Variants in RASSF6 observed in about 807,000 individuals in gnomAD.
RASSF6 encodes the protein Ras association domain family member 6.
In RASSF6, 52 loss-of-function variants were observed where a neutral mutation model predicts 44.0. The ratio of observed to expected loss-of-function variants is 1.18; its 90% CI spans 0.95 to 1.49. The LOEUF (loss-of-function observed/expected upper bound fraction) is 1.49. RASSF6 is among the 40% of genes most tolerant of loss of function. The pLI, the probability that RASSF6 is intolerant of heterozygous loss-of-function variation, is 0.00. For missense variants in RASSF6, 464 were observed against 393.3 expected, an observed-to-expected ratio of 1.18 and a Z score of -1.52; for synonymous variants, 162 against 124.6, an observed-to-expected ratio of 1.30 and a Z score of -2.00.
chr4:73,608,171 C>T (rs991570956), intron 2 of RASSF6, among the ~76,000 whole-genome samples: 4 of 151,022 alleles, frequency 2.6e-5, no homozygotes, highest in Non-Finnish European at 4.4e-5. Flanking sequence ...AAATTCCATA[C>T]ATGTGATATA....
At chr4:73,616,842 C>A (rs896493265) in intron 1 of RASSF6, among the ~76,000 whole-genome samples, 10 of 152,128 alleles carry the variant, frequency 6.6e-5, no homozygotes, top group Admixed American at 1.3e-4. Context: ...TATTCATCTC[C>A]AAAACGAAAC....
intron 5 of RASSF6, 58 bp downstream of exon 5, chr4:73,587,782 T>A: frequency 9.7e-7 from 1 of 1,034,974 alleles, no homozygotes; most frequent in Non-Finnish European, 1.5e-6. Flanking sequence ...ACATATGGAG[T>A]CATACTTTAC....
chr4:73,608,024 ATCCCC>A (rs1725765783), intron 2 of RASSF6, among the ~76,000 whole-genome samples: 2 of 35,370 alleles, frequency 5.7e-5, no homozygotes, highest in Admixed American at 3.1e-4. Context: ...CCTCTCCTCC[ATCCCC>A]TCCCCTCCCC....
intron 2 of RASSF6, among the ~76,000 whole-genome samples, chr4:73,603,534 C>G (rs1370650992): frequency 2.0e-5 from 3 of 151,996 alleles, no homozygotes; most frequent in Non-Finnish European, 4.4e-5. Flanking sequence ...CTTTAAGGCT[C>G]CAGCTTGGTT....
At position 73,585,878 on chromosome 4, in the gene RASSF6, A is replaced by C. The variant is rs1440335065; in HGVS notation, c.383-514T>G. Among the ~76,000 whole-genome samples the C allele has an allele frequency of 2.6e-5, 4 of 151,318 alleles. No homozygotes were observed. In the East Asian group the frequency reaches 5.8e-4, roughly 22 times the overall value. On this transcript the variant is annotated intron_variant, in intron 5 of 10. Transcript: ENST00000307439. ...CTTTAAGTTTTAGGGTAATGTGCAC[A>C]ATGTGCAGGTTAGTTACATATGTAT...
chr4:73,576,849 A>G, intron 8 of RASSF6, 118 bp from the exon 9 acceptor site: 1 of 660,152 alleles, frequency 1.5e-6, no homozygotes, highest in Admixed American at 2.6e-5. Flanking sequence ...AACACCTGCA[A>G]CAGGAGGCAA....
intron 4 of RASSF6, among the ~76,000 whole-genome samples, chr4:73,589,554 A>C (rs373733566): frequency 6.6e-6 from 1 of 152,134 alleles, no homozygotes; most frequent in Non-Finnish European, 1.5e-5. Flanking sequence ...TAGGAGGCCA[A>C]AAGTCATCCA....
chr4:73,585,408 G>A (rs374594225), intron 5 of RASSF6, 44 bp from the exon 6 acceptor site: 2 of 1,344,250 alleles, frequency 1.5e-6, no homozygotes, highest in South Asian at 1.8e-5. Flanking sequence ...AGCTGCCTGT[G>A]TCCTAGCATC....
chr4:73,593,722 G>T (rs1724740694), intron 3 of RASSF6, 129 bp from the exon 4 acceptor site: 4 of 893,104 alleles, frequency 4.5e-6, no homozygotes, highest in Non-Finnish European at 6.9e-6. Context: ...CAGGGTTGTT[G>T]TTTGGCTTTC....
chr4:73,598,684 T>C lies in RASSF6; in HGVS notation c.100A>G (p.Ile34Val), dbSNP rs1326254783. Residue 34 changes from isoleucine to valine, a missense_variant, in exon 3 of 11, where the codon ATT becomes GTT. Coordinates refer to ENST00000307439, the MANE Select transcript of RASSF6 (RefSeq NM_177532.5). ...QLNSLLKTYN[I>V]FYENQKNLHI... ...AGATTTTTCTGGTTCTCATAAAAAATGTTATAGGTCTTCAATAAAGAATTA... is the reference window on the plus strand; with the variant it reads ...AGATTTTTCTGGTTCTCATAAAAAACGTTATAGGTCTTCAATAAAGAATTA... The C allele has an allele frequency of 2.0e-6, 3 of 1,519,472 alleles. No homozygotes were observed. Among genetic ancestry groups the C allele is most frequent in the South Asian group, 1.2e-5 (1 of 82,788 alleles). The allele number at this position is 1,519,472 out of a possible 1,614,324, so 94.1% of individuals were successfully genotyped here.
intron 1 of RASSF6, among the ~76,000 whole-genome samples, chr4:73,618,663 G>A (rs182978260): frequency 6.6e-6 from 1 of 152,184 alleles, no homozygotes; most frequent in Admixed American, 6.5e-5. Context: ...CTTCAGTTAG[G>A]TTGGGTTTAG....
At chr4:73,579,072 T>C (rs934600570) in intron 8 of RASSF6, among the ~76,000 whole-genome samples, 1 of 152,200 alleles carries the variant, frequency 6.6e-6, no homozygotes, top group African/African-American at 2.4e-5. Flanking sequence ...AATGGGATCT[T>C]TTATATATAC....
chr4:73,596,044 G>A (rs1687995510), intron 3 of RASSF6, among the ~76,000 whole-genome samples: 1 of 152,154 alleles, frequency 6.6e-6, no homozygotes, highest in African/African-American at 2.4e-5. Flanking sequence ...ACAAGGCTGA[G>A]TGAAGAGACG....
intron 2 of RASSF6, among the ~76,000 whole-genome samples, chr4:73,609,554 A>T (rs1204600349): frequency 1.3e-5 from 2 of 152,200 alleles, no homozygotes; most frequent in Non-Finnish European, 2.9e-5. Flanking sequence ...ATCCTCATGA[A>T]ATTTGCTGAA....
At chr4:73,611,250 A>G (rs545055464) in intron 2 of RASSF6, among the ~76,000 whole-genome samples, 3 of 152,278 alleles carry the variant, frequency 2.0e-5, no homozygotes, top group Admixed American at 1.3e-4. Context: ...TATTGTTCCC[A>G]AAGCAATATG....
chr4:73,592,180 C>T lies in RASSF6; in HGVS notation c.287+1271G>A, dbSNP rs1578037937. On this transcript the variant is annotated intron_variant, in intron 4 of 10. Transcript: ENST00000307439. Reference sequence around the variant, plus strand: ...GGGAATTACAAAACATTCAGCATGGCAGTAGCATAATTTTTGAGAAATATT... The same window carrying T: ...GGGAATTACAAAACATTCAGCATGGTAGTAGCATAATTTTTGAGAAATATT... 2.0e-5 allele frequency among the ~76,000 whole-genome samples: 3 copies of T among 152,226 alleles called. No individual in the cohort carries two copies. In the South Asian group the frequency reaches 6.2e-4, roughly 32 times the overall value.
upstream of RASSF6, chr4:73,620,509 T>C (rs1273437612): frequency 1.3e-6 from 2 of 1,533,844 alleles, no homozygotes; most frequent in Non-Finnish European, 8.8e-7. Context: ...ATGGCTCAGC[T>C]GGGCGCTTGC....
At position 73,611,808 on chromosome 4, in the gene RASSF6, T is replaced by C; in HGVS notation, c.-13A>G. ...CCATCATAGTCATCTTTTCCTCCTT[T>C]TTGAGATGGTCTGAGGATATCCTAA... On this transcript the variant is annotated 5_prime_UTR_variant, in exon 2 of 11. Transcript: ENST00000307439. The C allele has an allele frequency of 6.2e-7, 1 of 1,608,250 alleles. No individual in the cohort carries two copies. Among genetic ancestry groups the C allele is most frequent in the Non-Finnish European group, 8.5e-7 (1 of 1,175,232 alleles).
At chr4:73,599,743 T>A (rs1203147985) in intron 2 of RASSF6, among the ~76,000 whole-genome samples, 3 of 152,216 alleles carry the variant, frequency 2.0e-5, no homozygotes, top group African/African-American at 7.2e-5. Context: ...AGAAACTGTT[T>A]TAATGCAAAC....
Sources: gnomAD v4.1 joint callset for allele counts (sites outside exome capture counted in the v4.1 genomes callset) on GRCh38, gnomAD v4.1.1 for gene constraint, MANE v1.5 for transcripts, NCBI Gene and HGNC (gene_info 2026-07-23, HGNC 2026-07-21) for gene names.